Variants in BTBD7 observed in about 807,000 individuals in gnomAD.
The protein encoded by BTBD7 is BTB/POZ domain-containing protein 7.
BTBD7 carries 38 observed loss-of-function variants against 99.9 expected under a neutral mutation model. That is an observed-to-expected ratio of 0.38 (90% CI 0.29 to 0.50). The LOEUF (loss-of-function observed/expected upper bound fraction) is 0.50, where lower values mean the gene tolerates loss of function less well. Among genes scored for constraint, BTBD7 ranks in the 20% least tolerant of loss-of-function variants. The pLI is 0.93. For synonymous variants in BTBD7, 520 were observed against 511.4 expected, an observed-to-expected ratio of 1.02 and a Z score of -0.23; for missense variants, 1,170 against 1,394.6, an observed-to-expected ratio of 0.84 and a Z score of 2.57.
intron 8 of BTBD7, among the ~76,000 whole-genome samples, chr14:93,249,968 C>T (rs2052353124): frequency 6.6e-6 from 1 of 152,172 alleles, no homozygotes; most frequent in African/African-American, 2.4e-5. Flanking sequence ...AGGCAAACTC[C>T]TGTGCATATT....
Position 93,253,753 on chromosome 14 carries a change from A to C in BTBD7, c.1646T>G (p.Met549Arg). Reference protein sequence around the residue: ...RGLISTPPSDMLPTTEGGKSN... With the variant: ...RGLISTPPSDRLPTTEGGKSN... ...CTTCCCACCTTCTGTTGTAGGAAGC[A>C]TATCTGATGGAGGAGTACTAATCAA... The change falls in exon 7 of 11, where the codon ATG (methionine) becomes AGG (arginine). Residue 549 changes from methionine (M) to arginine (R), a missense_variant. Around this residue, in one of 4 missense-constraint regions of BTBD7, gnomAD observed 309 missense variants for 342.0 expected, o/e 0.90. Coordinates refer to ENST00000334746, the MANE Select transcript of BTBD7 (RefSeq NM_001002860.4). 6.2e-7 allele frequency: 1 copy of C among 1,611,966 alleles called. No homozygotes were observed. Among genetic ancestry groups the C allele is most frequent in the East Asian group, 2.2e-5 (1 of 44,858 alleles).
rs370542488 is a variant in BTBD7 at position 93,248,604 on chromosome 14, G to A, written c.1993C>T (p.Arg665Trp). ...GCCCTCTGCACCTGCTCCGTGTGCC[G>A]CAGTTCCTGCAGTCGTCTGACCATG... ...KDMVRRLQEL[R>W]HTEQVQRAYA... The change falls in exon 9 of 11, where the codon CGG becomes TGG. Residue 665 changes from arginine (R) to tryptophan (W), a missense_variant. Physicochemically the swap from Arg to Trp is moderately radical, Grantham distance 101 (BLOSUM62 -3). This residue lies in a region of BTBD7 where 309 missense variants were observed against 342.0 expected (regional missense o/e 0.90). Transcript: ENST00000334746. The A allele has an allele frequency of 4.0e-5, 65 of 1,613,306 alleles. No individual in the cohort carries two copies. The highest frequency in any genetic ancestry group is 9.3e-6 in the Non-Finnish European group (11 of 1,179,880).
rs1407747285 is a variant in BTBD7, at chr14:93,245,892, G to A, written c.2516C>T (p.Ala839Val). The A allele has an allele frequency of 6.2e-7, 1 of 1,613,606 alleles. No homozygotes were observed. Among genetic ancestry groups the A allele is most frequent in the Non-Finnish European group, 8.5e-7 (1 of 1,179,888 alleles). Residue 839 changes from alanine to valine, a missense_variant, in exon 10 of 11, where the codon GCT becomes GTT. Physicochemically the swap from Ala to Val is moderately conservative, Grantham distance 64. Around this residue, in one of 4 missense-constraint regions of BTBD7, gnomAD observed 495 missense variants for 525.9 expected, o/e 0.94. Transcript: ENST00000334746. The stretch of plus-strand genomic sequence containing the variant: ...TGAGGTGGTGGTGGCGGCAGCAGCA[G>A]CCACCGTCTGTCTGCCCAGTCCTGC... ...STAGLGRQTV[A>V]AAAATTTSTA...
intron 1 of BTBD7, among the ~76,000 whole-genome samples, chr14:93,321,898 T>C (rs1056443752): frequency 1.3e-5 from 2 of 152,132 alleles, no homozygotes; most frequent in Admixed American, 6.6e-5. Context: ...GTGAAAATAA[T>C]AGAAGGAGCG....
intron 3 of BTBD7, among the ~76,000 whole-genome samples, chr14:93,292,342 A>G (rs1595317122): frequency 6.6e-6 from 1 of 152,182 alleles, no homozygotes; most frequent in East Asian, 1.9e-4. Context: ...TTTCTGTAGA[A>G]GCATTTTCTG....
rs537337916 is a variant in BTBD7 at position 93,238,173 on chromosome 14, T to G, written c.*4100A>C. ...AGAGGTTATTTTCAAGACACACACT[T>G]GCAAGTAATCTTTCTATAGAAATGG... On this transcript the variant is annotated 3_prime_UTR_variant, in exon 11 of 11. Transcript: ENST00000334746. 6.5e-6 allele frequency: 1 copy of G among 152,694 alleles called. No individual in the cohort carries two copies. The highest frequency in any genetic ancestry group is 2.4e-5 in the African/African-American group (1 of 41,540). 9.5% of individuals were successfully genotyped at this position (152,694 alleles called of 1,614,324 possible). A position where few individuals can be genotyped will look rare whatever the true frequency, so the allele number is the denominator to read the frequency against.
At chr14:93,248,091 T>C (rs988267710) in intron 9 of BTBD7, among the ~76,000 whole-genome samples, 4 of 152,202 alleles carry the variant, frequency 2.6e-5, no homozygotes, top group Non-Finnish European at 5.9e-5. Context: ...TGTGGAATTT[T>C]TTTAGCAGTC....
At chr14:93,282,988 C>A (rs1441076005) in intron 3 of BTBD7, among the ~76,000 whole-genome samples, 1 of 152,184 alleles carries the variant, frequency 6.6e-6, no homozygotes, top group African/African-American at 2.4e-5. Flanking sequence ...TGCTATTTTG[C>A]CTTCTCCCTC....
At chr14:93,313,679 TACACACACAC>T (rs57711099) in intron 1 of BTBD7, among the ~76,000 whole-genome samples, 331 of 145,488 alleles carry the variant, frequency 2.3e-3, no homozygotes, top group Non-Finnish European at 2.7e-3. Flanking sequence ...AAAATGAAAC[TACACACACAC>T]ACACACACAC....
At chr14:93,301,963 C>T (rs2053010110) in intron 1 of BTBD7, among the ~76,000 whole-genome samples, 1 of 152,110 alleles carries the variant, frequency 6.6e-6, no homozygotes, top group Non-Finnish European at 1.5e-5. Flanking sequence ...TTAGGCAAAG[C>T]GCAGGAATTG....
At chr14:93,304,077 G>C (rs908429320) in intron 1 of BTBD7, among the ~76,000 whole-genome samples, 6 of 152,228 alleles carry the variant, frequency 3.9e-5, no homozygotes, top group African/African-American at 1.4e-4. Context: ...CCTATAAGCA[G>C]AGGGTGAAAA....
chr14:93,260,597 A>G (rs2052476257), intron 5 of BTBD7, among the ~76,000 whole-genome samples: 1 of 147,710 alleles, frequency 6.8e-6, no homozygotes, highest in African/African-American at 2.5e-5. Context: ...TTGTTGCCCC[A>G]GGCTGGAATG....
At chr14:93,280,933 A>T in intron 3 of BTBD7, among the ~76,000 whole-genome samples, 1 of 151,832 alleles carries the variant, frequency 6.6e-6, no homozygotes, top group Non-Finnish European at 1.5e-5. Flanking sequence ...GGTGGACTCA[A>T]GCAATCCTCC....
At chr14:93,302,630 A>G (rs1329683779) in intron 1 of BTBD7, among the ~76,000 whole-genome samples, 2 of 152,290 alleles carry the variant, frequency 1.3e-5, no homozygotes, top group East Asian at 1.9e-4. Context: ...GCGGATCACG[A>G]GGTCAGGAGT....
At chr14:93,326,922 T>C (rs969610830) in intron 1 of BTBD7, among the ~76,000 whole-genome samples, 1 of 152,250 alleles carries the variant, frequency 6.6e-6, no homozygotes, top group Non-Finnish European at 1.5e-5. Context: ...TTTTGCTTTA[T>C]TACCATTGTA....
At chr14:93,251,937 C>T (rs910574305) in intron 7 of BTBD7, among the ~76,000 whole-genome samples, 13 of 152,074 alleles carry the variant, frequency 8.5e-5, no homozygotes, top group African/African-American at 3.1e-4. Flanking sequence ...ATAAATTACA[C>T]ACAATATTAT....
intron 3 of BTBD7, among the ~76,000 whole-genome samples, chr14:93,286,535 G>T (rs17128986): frequency 0.013 from 2,027 of 152,266 alleles, 49 homozygotes; most frequent in African/African-American, 0.046. Flanking sequence ...TCACAGCTGA[G>T]GCTCCTACAA....
chr14:93,295,713 T>C (rs1472197742), intron 2 of BTBD7, among the ~76,000 whole-genome samples: 1 of 152,208 alleles, frequency 6.6e-6, no homozygotes, highest in Non-Finnish European at 1.5e-5. Flanking sequence ...TTAACACCAA[T>C]GGAGACTGCT....
At position 93,242,725 on chromosome 14, in the gene BTBD7, C is replaced by T. The variant is rs147201730; in HGVS notation, c.2947G>A (p.Ala983Thr). ...GCTGACTTTAAGCCACTTGGTGATG[C>T]CTTATTGTGGCTGTACAGATCGGGA... is the stretch of plus-strand genomic sequence containing the variant. ...FGPDLYSHNK[A>T]SPSGLKSAYL... The change falls in exon 11 of 11, where the codon GCA becomes ACA. Residue 983 changes from alanine to threonine, a missense_variant. Coordinates refer to ENST00000334746, the MANE Select transcript of BTBD7 (RefSeq NM_001002860.4). 8.1e-6 allele frequency: 13 copies of T among 1,614,080 alleles called. No homozygotes were observed. The highest frequency in any genetic ancestry group is 1.1e-5 in the Non-Finnish European group (13 of 1,180,034).
Sources: allele counts gnomAD v4.1 joint callset (sites outside exome capture counted in the v4.1 genomes callset), GRCh38; gene constraint gnomAD v4.1.1; regional missense constraint gnomAD v4.1.1; transcripts MANE v1.5; gene names NCBI Gene and HGNC (gene_info 2026-07-23, HGNC 2026-07-21).